LYST: variants seen among roughly 807,000 people sequenced by gnomAD.
LYST encodes the protein lysosomal trafficking regulator.
LYST carries 192 observed loss-of-function variants against 413.6 expected under a neutral mutation model. That is an observed-to-expected ratio of 0.46 (90% CI 0.41 to 0.52). The LOEUF (loss-of-function observed/expected upper bound fraction) is 0.52, where lower values mean the gene tolerates loss of function less well. LYST is among the 20% of genes least tolerant of loss of function. LYST has a pLI of 0.00. For missense variants in LYST, 3,815 were observed against 4,499.9 expected, an observed-to-expected ratio of 0.85 and a Z score of 4.35; for synonymous variants, 1,525 against 1,567.3, an observed-to-expected ratio of 0.97 and a Z score of 0.64.
At chr1:235,850,826 T>A (rs1313527820) in intron 1 of LYST, among the ~76,000 whole-genome samples, 1 of 152,166 alleles carries the variant, frequency 6.6e-6, no homozygotes, top group Non-Finnish European at 1.5e-5. Context: ...CACAATGTGA[T>A]ACCATCTCAC....
intron 1 of LYST, among the ~76,000 whole-genome samples, chr1:235,850,972 C>G (rs1678461460): frequency 6.6e-6 from 1 of 152,098 alleles, no homozygotes; most frequent in Non-Finnish European, 1.5e-5. Flanking sequence ...TGTGGAGATT[C>G]CTTAAAGAAC....
chr1:235,850,364 C>CA (rs1219855756), intron 1 of LYST, among the ~76,000 whole-genome samples: 1 of 152,084 alleles, frequency 6.6e-6, no homozygotes, highest in East Asian at 1.9e-4. Context: ...TCACCTTATA[C>CA]AAAAAATCAA....
intron 1 of LYST, among the ~76,000 whole-genome samples, chr1:235,837,510 C>T: frequency 6.6e-6 from 1 of 151,668 alleles, no homozygotes; most frequent in Admixed American, 6.6e-5. Flanking sequence ...ACCTGTAATC[C>T]TAGCTACTTG....
chr1:235,741,773 A>G, intron 30 of LYST, 145 bp from the exon 31 acceptor site: 1 of 685,528 alleles, frequency 1.5e-6, no homozygotes, highest in Non-Finnish European at 2.6e-6. Context: ...AGATATACAT[A>G]TCCATACACA....
chr1:235,810,044 A>G lies in LYST; in HGVS notation c.774T>C (p.Cys258=), dbSNP rs1673295836. 11 of 1,613,944 alleles carry G rather than the reference A, an allele frequency of 6.8e-6. No homozygotes were observed. The highest frequency in any genetic ancestry group is 9.3e-6 in the Non-Finnish European group (11 of 1,179,970). ...SNMNNSPFDL[C]HVLLSLLEKV... is the part of the protein sequence containing the mutation. ...TTTCTAATAAAGATAACAAAACATGACATAAGTCAAATGGAGAATTGTTCA... is the reference window on the plus strand; with the variant it reads ...TTTCTAATAAAGATAACAAAACATGGCATAAGTCAAATGGAGAATTGTTCA... Residue 258 remains cysteine (C), a synonymous_variant, in exon 5 of 53, where the codon TGT becomes TGC. Coordinates refer to ENST00000389793, the MANE Select transcript of LYST (RefSeq NM_000081.4).
intron 3 of LYST, among the ~76,000 whole-genome samples, chr1:235,821,218 C>T (rs1340212782): frequency 1.3e-5 from 2 of 152,144 alleles, no homozygotes; most frequent in East Asian, 3.9e-4. Flanking sequence ...GGGGTGGTTG[C>T]TTGAGCTCAG....
rs756132443 is a variant in LYST, at chr1:235,759,022, G to C, written c.6831C>G (p.Ala2277=). The stretch of plus-strand genomic sequence containing the variant: ...AATTTGGCTCATAACCAAGAGAATA[G>C]GCAAAGTTTTCCCAATCATCAGTGT... ...DRNTDDWENF[A]YSLGYEPNYN... is the part of the protein sequence containing the mutation. Residue 2277 remains alanine (A), a synonymous_variant, in exon 23 of 53, where the codon GCC becomes GCG. Transcript: ENST00000389793. 6.2e-7 allele frequency: 1 copy of C among 1,614,070 alleles called. No homozygotes were observed. The highest frequency in any genetic ancestry group is 8.5e-7 in the Non-Finnish European group (1 of 1,180,000).
chr1:235,866,812 G>T, intron 1 of LYST, 31 bp downstream of exon 1: 1 of 152,638 alleles, frequency 6.6e-6, no homozygotes, highest in South Asian at 1.9e-4. Context: ...ACCTTCTGCC[G>T]GCAGCGTCGG....
chr1:235,711,027 A>G (rs944525453), intron 43 of LYST, among the ~76,000 whole-genome samples: 1 of 152,228 alleles, frequency 6.6e-6, no homozygotes, highest in African/African-American at 2.4e-5. Context: ...ACCCTGAGCT[A>G]AAACCATCTA....
chr1:235,769,263 C>T (rs1668431631), intron 20 of LYST, among the ~76,000 whole-genome samples: 1 of 151,856 alleles, frequency 6.6e-6, no homozygotes, highest in African/African-American at 2.4e-5. Context: ...AAAAAGAATA[C>T]CATGTACTCT....
At chr1:235,853,585 T>C (rs1678811269) in intron 1 of LYST, among the ~76,000 whole-genome samples, 2 of 152,054 alleles carry the variant, frequency 1.3e-5, no homozygotes, top group South Asian at 4.1e-4. Flanking sequence ...GGTGTACATA[T>C]TATTTTTTCA....
At position 235,792,111 on chromosome 1, in the gene LYST, C is replaced by T. The variant is rs1418692842; in HGVS notation, c.4131G>A (p.Leu1377=). ...EKSPCTKILL[L]GILKIIESDT... Reference sequence around the variant, plus strand: ...CACTTTCAATAATTTTCAGAATACCCAGAAGAAGAATTTTCTAGAGAAAAA... The same window carrying T: ...CACTTTCAATAATTTTCAGAATACCTAGAAGAAGAATTTTCTAGAGAAAAA... The change falls in exon 12 of 53, where the codon CTG becomes CTA. Residue 1377 remains leucine, a synonymous_variant. Transcript: ENST00000389793. The T allele has an allele frequency of 6.2e-7, 1 of 1,606,730 alleles. No homozygotes were observed. The highest frequency in any genetic ancestry group is 1.7e-5 in the Admixed American group (1 of 59,912).
At chr1:235,770,510 G>GTAT (rs1668563302) in intron 19 of LYST, among the ~76,000 whole-genome samples, 1 of 152,122 alleles carries the variant, frequency 6.6e-6, no homozygotes, top group Admixed American at 6.5e-5. Context: ...ATACAATATT[G>GTAT]TATTAGGTGC....
At chr1:235,864,822 CAGAGGCTGAGGTG>C (rs1282809104) in intron 1 of LYST, among the ~76,000 whole-genome samples, 3 of 152,126 alleles carry the variant, frequency 2.0e-5, no homozygotes, top group Non-Finnish European at 2.9e-5. Context: ...CCAATTACTT[CAGAGGCTGAGGTG>C]AGAGGATCAC....
At chr1:235,745,631 A>C (rs888217607) in intron 29 of LYST, among the ~76,000 whole-genome samples, 6 of 152,184 alleles carry the variant, frequency 3.9e-5, no homozygotes, top group African/African-American at 1.2e-4. Flanking sequence ...ATGCTTACAG[A>C]AGCTTTATTT....
At chr1:235,824,922 A>C (rs1488435295) in intron 3 of LYST, among the ~76,000 whole-genome samples, 1 of 152,140 alleles carries the variant, frequency 6.6e-6, no homozygotes, top group Non-Finnish European at 1.5e-5. Flanking sequence ...TGGGAGGCTG[A>C]GGCAGAAGAA....
intron 20 of LYST, among the ~76,000 whole-genome samples, chr1:235,767,363 G>A (rs1446165803): frequency 1.3e-5 from 2 of 152,032 alleles, no homozygotes; most frequent in Middle Eastern, 3.2e-3. Flanking sequence ...TTTAAGAAGG[G>A]AACACTGAGT....
Position 235,686,928 on chromosome 1 carries a change from A to C in LYST, c.10800+21T>G. ...TCATTGACAAAGTCCCATACTACCC[A>C]CACAGAAGCCCAGAACCTACCGTGC... On this transcript the variant is annotated intron_variant, in intron 48 of 52. Coordinates refer to ENST00000389793, the MANE Select transcript of LYST (RefSeq NM_000081.4). The surrounding 1 kb of genome is among the most constrained non-coding windows in gnomAD (Gnocchi z 4.0). The C allele has an allele frequency of 6.3e-7, 1 of 1,587,338 alleles. No homozygotes were observed. The highest frequency in any genetic ancestry group is 8.7e-7 in the Non-Finnish European group (1 of 1,155,570).
At chr1:235,798,528 A>C (rs1487163716) in intron 10 of LYST, among the ~76,000 whole-genome samples, 2 of 135,368 alleles carry the variant, frequency 1.5e-5, no homozygotes, top group African/African-American at 5.4e-5. Flanking sequence ...CAGTGAGCTG[A>C]GATCGCACCA....
Sources: allele counts gnomAD v4.1 joint callset (sites outside exome capture counted in the v4.1 genomes callset), GRCh38; gene constraint gnomAD v4.1.1; non-coding constraint Gnocchi (gnomAD v3.1); transcripts MANE v1.5; gene names NCBI Gene and HGNC (gene_info 2026-07-23, HGNC 2026-07-21).